Variants in SHC4 observed in about 807,000 individuals in gnomAD.
SHC4 encodes SHC adaptor protein 4.
Under a neutral mutation model 69.4 loss-of-function variants are expected in SHC4, and 41 were observed. That is an observed-to-expected ratio of 0.59 (90% CI 0.46 to 0.77). SHC4 has a LOEUF of 0.77. Ranked by LOEUF, SHC4 falls within the 30% of genes least tolerant of loss-of-function variation. The probability of loss-of-function intolerance (pLI) is 0.00; values close to 1 mark genes in which losing one functional copy is unlikely to be tolerated. For missense variants in SHC4, 777 were observed against 783.8 expected, an observed-to-expected ratio of 0.99 and a Z score of 0.10; for synonymous variants, 318 against 299.3, an observed-to-expected ratio of 1.06 and a Z score of -0.64.
At chr15:48,947,269 A>C (rs1901292866) in intron 1 of SHC4, 1 of 152,160 alleles carries the variant, frequency 6.6e-6, no homozygotes, top group African/African-American at 2.4e-5. Context: ...TCAATAAAGG[A>C]ATGGCTAGAA....
At chr15:48,832,843 A>G (rs1181326466) in intron 11 of SHC4, among the ~76,000 whole-genome samples, 1 of 151,960 alleles carries the variant, frequency 6.6e-6, no homozygotes, top group Non-Finnish European at 1.5e-5. Flanking sequence ...GAACCCCTCT[A>G]GTGATCTTTT....
At chr15:48,884,440 A>C in intron 3 of SHC4, 73 bp from the exon 4 acceptor site, 1 of 1,323,628 alleles carries the variant, frequency 7.6e-7, no homozygotes, top group Non-Finnish European at 1.0e-6. Context: ...ATGTTTTTTA[A>C]ATGTTAAAAA....
intron 1 of SHC4, among the ~76,000 whole-genome samples, chr15:48,936,672 T>G (rs150347537): frequency 5.1e-4 from 78 of 152,326 alleles, no homozygotes; most frequent in African/African-American, 1.8e-3. Flanking sequence ...CTTTTCTTTA[T>G]TAATGACCCA....
chr15:48,883,430 T>C (rs1276055144), intron 4 of SHC4, among the ~76,000 whole-genome samples: 1 of 152,202 alleles, frequency 6.6e-6, no homozygotes, highest in Non-Finnish European at 1.5e-5. Context: ...TAGCATGTTA[T>C]TATTGCCAAG....
chr15:48,891,900 G>A (rs1900143602), intron 2 of SHC4, among the ~76,000 whole-genome samples: 1 of 152,154 alleles, frequency 6.6e-6, no homozygotes, highest in African/African-American at 2.4e-5. Flanking sequence ...TGTCGCCCAG[G>A]CTGGAGTGCA....
chr15:48,853,388 T>C (rs981516165), intron 8 of SHC4, among the ~76,000 whole-genome samples: 9 of 152,092 alleles, frequency 5.9e-5, no homozygotes, highest in African/African-American at 2.2e-4. Context: ...ATCAATATCA[T>C]AAAAATGGCC....
rs144809969 is a variant in SHC4, at chr15:48,832,559, G to A, written c.1737+2210C>T. Among the ~76,000 whole-genome samples the A allele has an allele frequency of 3.9e-5, 6 of 152,194 alleles. No individual in the cohort carries two copies. In the East Asian group the frequency reaches 1.2e-3, roughly 29 times the overall value. ...GTCCATTGGTCTTCTTGAATCTGAT[G>A]TTCATTCTCATCACTTACTTGGGAA... On this transcript the variant is annotated intron_variant, in intron 11 of 11. Transcript: ENST00000332408.
chr15:48,873,716 G>T (rs959062244), intron 4 of SHC4, among the ~76,000 whole-genome samples: 1 of 152,120 alleles, frequency 6.6e-6, no homozygotes, highest in African/African-American at 2.4e-5. Context: ...ACTCCAGCCT[G>T]GGCTACAGAG....
intron 2 of SHC4, among the ~76,000 whole-genome samples, chr15:48,913,985 C>T (rs1900565778): frequency 6.6e-6 from 1 of 152,148 alleles, no homozygotes; most frequent in East Asian, 1.9e-4. Flanking sequence ...AATCTGCTTC[C>T]TTCAGAGGGT....
rs1230491827 is a variant in SHC4 at position 48,924,864 on chromosome 15, T to G, written c.656+15A>C. The G allele has an allele frequency of 6.2e-7, 1 of 1,613,690 alleles. No individual in the cohort carries two copies. Among genetic ancestry groups the G allele is most frequent in the Admixed American group, 1.7e-5 (1 of 60,018 alleles). The stretch of plus-strand genomic sequence containing the variant: ...ACCATACTCCTCAAAGCCCCTCCCA[T>G]TTTTGGCTTCTTACCTTGTAACTTG... On this transcript the variant is annotated intron_variant, in intron 2 of 11. Transcript: ENST00000332408.
intron 6 of SHC4, among the ~76,000 whole-genome samples, chr15:48,861,053 G>C (rs1047743894): frequency 3.3e-5 from 5 of 152,146 alleles, no homozygotes; most frequent in East Asian, 3.8e-4. Context: ...GATGCTTTGA[G>C]GTTTGGGTCC....
chr15:48,961,280 A>C (rs11636875), intron 1 of SHC4, among the ~76,000 whole-genome samples: 3 of 152,050 alleles, frequency 2.0e-5, no homozygotes, highest in Non-Finnish European at 4.4e-5. Flanking sequence ...CTCATTTATC[A>C]ATCACAGTAT....
chr15:48,950,388 C>G (rs181766186), intron 1 of SHC4, among the ~76,000 whole-genome samples: 3 of 151,910 alleles, frequency 2.0e-5, no homozygotes, highest in African/African-American at 7.2e-5. Context: ...GACATCTCCA[C>G]CAGATAGAAG....
intron 2 of SHC4, among the ~76,000 whole-genome samples, chr15:48,923,041 C>T (rs775186307): frequency 2.6e-5 from 4 of 152,084 alleles, no homozygotes; most frequent in Non-Finnish European, 4.4e-5. Context: ...CAGTGACTGA[C>T]GTAGGTACCA....
At position 48,863,886 on chromosome 15, in the gene SHC4, C is replaced by T. The variant is rs567133314; in HGVS notation, c.946+3932G>A. Among the ~76,000 whole-genome samples the T allele has an allele frequency of 3.9e-5, 6 of 152,054 alleles. No individual in the cohort carries two copies. In the East Asian group the frequency reaches 7.7e-4, roughly 20 times the overall value. The stretch of plus-strand genomic sequence containing the variant: ...AATGGCTGGGTAATCTTACGAAAAC[C>T]GCCTTATTTTTCTCACCTCCAGTGT... On this transcript the variant is annotated intron_variant, in intron 6 of 11. Coordinates refer to ENST00000332408, the MANE Select transcript of SHC4 (RefSeq NM_203349.4).
At chr15:48,878,349 T>TGGA (rs762766855) in intron 4 of SHC4, 15 of 1,613,286 alleles carry the variant, frequency 9.3e-6, no homozygotes, top group South Asian at 6.6e-5. Context: ...GAAGGCCCAA[T>TGGA]GGAGGAGGAG....
chr15:48,871,956 T>C (rs888752932), intron 5 of SHC4, 133 bp downstream of exon 5: 2 of 616,608 alleles, frequency 3.2e-6, no homozygotes, highest in South Asian at 1.9e-5. Context: ...CAGACTGTAA[T>C]AGTATGTTAG....
chr15:48,956,970 CTTTCTTTTT>C (rs1434174146), intron 1 of SHC4, among the ~76,000 whole-genome samples: 14 of 70,188 alleles, frequency 2.0e-4, no homozygotes, highest in African/African-American at 6.9e-4. Context: ...TTCTTTCTTT[CTTTCTTTTT>C]TTTTTTTTTT....
intron 9 of SHC4, among the ~76,000 whole-genome samples, chr15:48,845,347 G>A (rs1487747479): frequency 6.6e-6 from 1 of 151,784 alleles, no homozygotes; most frequent in Non-Finnish European, 1.5e-5. Context: ...GCTGTTACAT[G>A]TCATCTTGTC....
Sources: allele counts gnomAD v4.1 joint callset (sites outside exome capture counted in the v4.1 genomes callset), GRCh38; gene constraint gnomAD v4.1.1; transcripts MANE v1.5; gene names NCBI Gene and HGNC (gene_info 2026-07-23, HGNC 2026-07-21).